CHST12: variants seen among roughly 807,000 people sequenced by gnomAD.
CHST12 encodes carbohydrate sulfotransferase 12.
Under a neutral mutation model 27.9 loss-of-function variants are expected in CHST12, and 23 were observed. That is an observed-to-expected ratio of 0.82 (90% CI 0.59 to 1.17). The LOEUF is 1.17. Ranked by LOEUF, CHST12 falls within the 50% of genes most tolerant of loss-of-function variation. CHST12 has a pLI of 0.00. For synonymous variants in CHST12, 322 were observed against 273.0 expected, an observed-to-expected ratio of 1.18 and a Z score of -1.77; for missense variants, 682 against 603.0, an observed-to-expected ratio of 1.13 and a Z score of -1.37.
chr7:2,439,863 G>A lies in CHST12; in HGVS notation c.*5979G>A, dbSNP rs1013338553. ...CCACTACACTCCAGCCTGGGCGACA[G>A]AGCGAGACTCCGTCTCAAAAAAAAA... On this transcript the variant is annotated 3_prime_UTR_variant, in exon 2 of 2. Coordinates refer to ENST00000618655, the MANE Select transcript of CHST12 (RefSeq NM_018641.5). The A allele has an allele frequency of 1.3e-5, 2 of 151,966 alleles. No individual in the cohort carries two copies. Among genetic ancestry groups the A allele is most frequent in the Non-Finnish European group, 2.9e-5 (2 of 68,012 alleles). The allele number at this position is 151,966 out of a possible 1,614,324, so 9.4% of individuals were successfully genotyped here.
chr7:2,403,453 G>GGCGGGCGGGCTGGCCGGGC (rs1234905026), upstream of CHST12: 4 of 152,096 alleles, frequency 2.6e-5, no homozygotes, highest in Non-Finnish European at 5.9e-5. Context: ...CGAGGGCGGG[G>GGCGGGCGGGCTGGCCGGGC]GCGGGCGGGC....
chr7:2,433,417 G>A lies in CHST12; in HGVS notation c.778G>A (p.Glu260Lys), dbSNP rs1420887965. ...GATCTCCGCCTTCCGCAGCAAGTTC[G>A]AGCTGGAGAACGAGGAGTTCTACCG... is the stretch of plus-strand genomic sequence containing the variant. ...RLISAFRSKFELENEEFYRKF... is the reference protein window; with the variant it reads ...RLISAFRSKFKLENEEFYRKF... Residue 260 changes from glutamate to lysine, a missense_variant, in exon 2 of 2, where the codon GAG becomes AAG. Glu to Lys is a moderately conservative substitution (Grantham distance 56, BLOSUM62 1). Coordinates refer to ENST00000618655, the MANE Select transcript of CHST12 (RefSeq NM_018641.5). The surrounding 1 kb of genome is among the most constrained non-coding windows in gnomAD (Gnocchi z 6.1). The A allele has an allele frequency of 5.6e-6, 9 of 1,609,462 alleles. No homozygotes were observed. Among genetic ancestry groups the A allele is most frequent in the Admixed American group, 1.7e-5 (1 of 60,002 alleles).
Position 2,433,302 on chromosome 7 carries a change from C to G in CHST12, c.663C>G (p.Arg221=), listed in dbSNP as rs765591289. The change falls in exon 2 of 2, where the codon CGC becomes CGG. Residue 221 remains arginine (R), a synonymous_variant. Transcript: ENST00000618655. The surrounding 1 kb of genome is among the most constrained non-coding windows in gnomAD (Gnocchi z 6.1). ...ACCTGACCTTCAACAAGTTCTGGCG[C>G]CGCTACGGGAAGCTCTCCCGCCACC... is the stretch of plus-strand genomic sequence containing the variant. ...SAHLTFNKFW[R]RYGKLSRHLM... The G allele has an allele frequency of 1.7e-5, 28 of 1,612,392 alleles. No individual in the cohort carries two copies. The highest frequency in any genetic ancestry group is 2.4e-5 in the Non-Finnish European group (28 of 1,179,338).
Position 2,433,613 on chromosome 7 carries a change from T to C in CHST12, c.974T>C (p.Val325Ala). The C allele has an allele frequency of 6.2e-7, 1 of 1,612,796 alleles. No individual in the cohort carries two copies. Among genetic ancestry groups the C allele is most frequent in the Non-Finnish European group, 8.5e-7 (1 of 1,179,860 alleles). The change falls in exon 2 of 2, where the codon GTG becomes GCG. Residue 325 changes from valine to alanine, a missense_variant. By Grantham distance (64) the Val-to-Ala change is moderately conservative. Coordinates refer to ENST00000618655, the MANE Select transcript of CHST12 (RefSeq NM_018641.5). The surrounding 1 kb of genome is among the most constrained non-coding windows in gnomAD (Gnocchi z 6.1). ...LAPFNEHWRQVYRLCHPCQID... is the reference protein window; with the variant it reads ...LAPFNEHWRQAYRLCHPCQID... ...CCCTTCAACGAGCACTGGCGGCAGG[T>C]GTACCGCCTCTGCCACCCGTGCCAG...
rs1319705657 is a variant in CHST12 at position 2,444,940 on chromosome 7, A to G, written c.*11056A>G. ...AAAATAACCGGGGCCTTAAAAAACAATCTGGATGAAATGGTTTTTGCCATT... is the reference window on the plus strand; with the variant it reads ...AAAATAACCGGGGCCTTAAAAAACAGTCTGGATGAAATGGTTTTTGCCATT... On this transcript the variant is annotated 3_prime_UTR_variant, in exon 2 of 2. Coordinates refer to ENST00000618655, the MANE Select transcript of CHST12 (RefSeq NM_018641.5). 6.6e-6 allele frequency: 1 copy of G among 152,110 alleles called. No homozygotes were observed. Among genetic ancestry groups the G allele is most frequent in the East Asian group, 1.9e-4 (1 of 5,182 alleles). 9.4% of individuals were successfully genotyped at this position (152,110 alleles called of 1,614,324 possible).
intron 1 of CHST12, among the ~76,000 whole-genome samples, chr7:2,421,652 T>C (rs1781979462): frequency 6.6e-6 from 1 of 151,844 alleles, no homozygotes; most frequent in African/African-American, 2.4e-5. Flanking sequence ...GGCCAGGCTG[T>C]CCTCAAACTC....
chr7:2,417,025 C>T lies in CHST12; in HGVS notation c.-78+13352C>T, dbSNP rs982840550. 2.0e-5 allele frequency among the ~76,000 whole-genome samples: 3 copies of T among 152,012 alleles called. No homozygotes were observed. The South Asian group carries it at 6.2e-4, about 32-fold the overall frequency. The stretch of plus-strand genomic sequence containing the variant: ...CCCTTTAGCTTGGTGAATTCGGGGT[C>T]CTGAGATTTTATTTTTCTTTTGCAA... On this transcript the variant is annotated intron_variant, in intron 1 of 1. Coordinates refer to ENST00000618655, the MANE Select transcript of CHST12 (RefSeq NM_018641.5).
At chr7:2,421,139 CCTCCAT>C (rs1469805139) in intron 1 of CHST12, among the ~76,000 whole-genome samples, 10 of 151,622 alleles carry the variant, frequency 6.6e-5, no homozygotes, top group Non-Finnish European at 1.5e-4. Flanking sequence ...CTCACTGCAA[CCTCCAT>C]CTCCTGGGCT....
In CHST12 at chr7:2,432,662, G is replaced by A. The variant is rs1379528409; in HGVS notation, c.23G>A (p.Arg8Gln). ...AGGATGACCAAGGCCCGGCTGTTCC[G>A]GCTGTGGCTGGTGCTGGGGTCGGTG... MTKARLF[R>Q]LWLVLGSVFM... Residue 8 changes from arginine (R) to glutamine (Q), a missense_variant, in exon 2 of 2, where the codon CGG becomes CAG. Coordinates refer to ENST00000618655, the MANE Select transcript of CHST12 (RefSeq NM_018641.5). 3 of 1,610,274 alleles carry A rather than the reference G, an allele frequency of 1.9e-6. No individual in the cohort carries two copies. The highest frequency in any genetic ancestry group is 1.3e-5 in the African/African-American group (1 of 74,880).
At chr7:2,414,444 C>G (rs771441226) in intron 1 of CHST12, among the ~76,000 whole-genome samples, 1 of 151,876 alleles carries the variant, frequency 6.6e-6, no homozygotes, top group Non-Finnish European at 1.5e-5. Context: ...CCCCCATGCC[C>G]GGCTAATTTT....
In CHST12 at chr7:2,434,016, G is replaced by A. The variant is rs1313252855; in HGVS notation, c.*132G>A. On this transcript the variant is annotated 3_prime_UTR_variant, in exon 2 of 2. Transcript: ENST00000618655. The stretch of plus-strand genomic sequence containing the variant: ...GCCTCTATCCATTGAGTACTGTATC[G>A]ATATTGTTTTTTAAGATTAATATAT... 1 of 658,904 alleles carries A rather than the reference G, an allele frequency of 1.5e-6. No homozygotes were observed. The highest frequency in any genetic ancestry group is 2.6e-6 in the Non-Finnish European group (1 of 389,734). 40.8% of individuals were successfully genotyped at this position (658,904 alleles called of 1,614,324 possible).
chr7:2,442,212 TCAC>T lies in CHST12; in HGVS notation c.*8330_*8332del, dbSNP rs1782623674. 1 of 152,222 alleles carries T rather than the reference TCAC, an allele frequency of 6.6e-6. No homozygotes were observed. Among genetic ancestry groups the T allele is most frequent in the African/African-American group, 2.4e-5 (1 of 41,458 alleles). The allele number at this position is 152,222 out of a possible 1,614,324, so 9.4% of individuals were successfully genotyped here. ...AGGTTCATTCATGTTGTAGTCAGGA[TCAC>T]CTTCCTTTTAAAGGTTGAACGATAT... On this transcript the variant is annotated 3_prime_UTR_variant, in exon 2 of 2. Transcript: ENST00000618655.
chr7:2,425,814 C>A (rs1311575839), intron 1 of CHST12, among the ~76,000 whole-genome samples: 1 of 151,962 alleles, frequency 6.6e-6, no homozygotes, highest in African/African-American at 2.4e-5. Flanking sequence ...CCACTTATCC[C>A]ACTATACGTT....
chr7:2,432,801 G>C lies in CHST12; in HGVS notation c.162G>C (p.Pro54=). 6.2e-7 allele frequency: 1 copy of C among 1,613,764 alleles called. No homozygotes were observed. The highest frequency in any genetic ancestry group is 2.2e-5 in the East Asian group (1 of 44,882). Residue 54 remains proline, a synonymous_variant, in exon 2 of 2, where the codon CCG becomes CCC. Transcript: ENST00000618655. ...HTGPPLPTPG[P]DRDRELTADS... ...GGCCGCCGCTGCCCACGCCCGGGCC[G>C]GACAGGGACAGGGAGCTCACGGCCG...
intron 1 of CHST12, among the ~76,000 whole-genome samples, chr7:2,426,456 A>G (rs1305713751): frequency 6.6e-6 from 1 of 152,122 alleles, no homozygotes; most frequent in African/African-American, 2.4e-5. Context: ...GATGGGACCT[A>G]TGGAGAGTGC....
chr7:2,442,106 T>A lies in CHST12; in HGVS notation c.*8222T>A, dbSNP rs926368124. 1 of 152,218 alleles carries A rather than the reference T, an allele frequency of 6.6e-6. No individual in the cohort carries two copies. The highest frequency in any genetic ancestry group is 1.5e-5 in the Non-Finnish European group (1 of 68,054). The allele number at this position is 152,218 out of a possible 1,614,324, so 9.4% of individuals were successfully genotyped here. On this transcript the variant is annotated 3_prime_UTR_variant, in exon 2 of 2. Transcript: ENST00000618655. ...CCATTCTACTTCCTGTCTCTGAGTT[T>A]GACTAGGGACCTCCTGTAAGTGGAT...
In CHST12 at chr7:2,433,031, T is replaced by A; in HGVS notation, c.392T>A (p.Phe131Tyr). ...QAERRSVLRG[F>Y]CANSSLAFPT... is the part of the protein sequence containing the mutation. ...GAGCGGAGGAGCGTGCTGCGGGGCT[T>A]CTGCGCCAACTCCAGCCTGGCCTTC... is the stretch of plus-strand genomic sequence containing the variant. The change falls in exon 2 of 2, where the codon TTC becomes TAC. Residue 131 changes from phenylalanine to tyrosine, a missense_variant. Transcript: ENST00000618655. This position sits in a 1 kb window ranked among gnomAD's most constrained non-coding sequence, Gnocchi z 6.1. 6.2e-7 allele frequency: 1 copy of A among 1,611,408 alleles called. No individual in the cohort carries two copies. The highest frequency in any genetic ancestry group is 8.5e-7 in the Non-Finnish European group (1 of 1,179,490).
chr7:2,424,425 T>A (rs1382480148), intron 1 of CHST12, among the ~76,000 whole-genome samples: 1 of 151,468 alleles, frequency 6.6e-6, no homozygotes, highest in East Asian at 2.0e-4. Context: ...TCATGAACTT[T>A]GAGGTTCATT....
At position 2,445,630 on chromosome 7, in the gene CHST12, C is replaced by T. The variant is rs969607578; in HGVS notation, c.*11746C>T. The T allele has an allele frequency of 3.9e-5, 6 of 152,188 alleles. No homozygotes were observed. Among genetic ancestry groups the T allele is most frequent in the Admixed American group, 1.3e-4 (2 of 15,264 alleles). The allele number at this position is 152,188 out of a possible 1,614,324, so 9.4% of individuals were successfully genotyped here. A position where few individuals can be genotyped will look rare whatever the true frequency, so the allele number is the denominator to read the frequency against. The stretch of plus-strand genomic sequence containing the variant: ...TATTTTTAGTAGAGATGGGGTTTTC[C>T]CATGTTGGCCAGGCCGGTCTCGAAC... On this transcript the variant is annotated 3_prime_UTR_variant, in exon 2 of 2. Coordinates refer to ENST00000618655, the MANE Select transcript of CHST12 (RefSeq NM_018641.5).
Sources: allele counts gnomAD v4.1 joint callset (sites outside exome capture counted in the v4.1 genomes callset), GRCh38; gene constraint gnomAD v4.1.1; non-coding constraint Gnocchi (gnomAD v3.1); transcripts MANE v1.5; gene names NCBI Gene and HGNC (gene_info 2026-07-23, HGNC 2026-07-21).